HTR2B: variants seen among roughly 807,000 people sequenced by gnomAD.
HTR2B encodes the protein 5-HT 2B receptor.
A neutral mutation model predicts 39.8 loss-of-function variants in HTR2B; 31 were observed. The observed-to-expected ratio is 0.78, with a 90% confidence interval of 0.58 to 1.05. The LOEUF (loss-of-function observed/expected upper bound fraction) is 1.05. Among genes scored for constraint, HTR2B ranks in the 50% least tolerant of loss-of-function variants. HTR2B has a pLI of 0.00. For synonymous variants in HTR2B, 210 were observed against 207.1 expected, an observed-to-expected ratio of 1.01 and a Z score of -0.12; for missense variants, 562 against 578.0, an observed-to-expected ratio of 0.97 and a Z score of 0.28.
chr2:231,122,063 T>G (rs1479689928), intron 2 of HTR2B, among the ~76,000 whole-genome samples: 2 of 152,134 alleles, frequency 1.3e-5, no homozygotes, highest in Admixed American at 1.3e-4. Flanking sequence ...TATAGTAAGA[T>G]TTCTTAATTA....
chr2:231,110,356 T>C (rs1388419691), intron 3 of HTR2B, among the ~76,000 whole-genome samples: 4 of 152,192 alleles, frequency 2.6e-5, no homozygotes, highest in Non-Finnish European at 5.9e-5. Flanking sequence ...GAAAGAAATA[T>C]ACCTCATGTT....
chr2:231,115,662 A>G (rs1320281756), intron 2 of HTR2B, among the ~76,000 whole-genome samples: 8 of 152,186 alleles, frequency 5.3e-5, no homozygotes, highest in Non-Finnish European at 1.2e-4. Context: ...AGAGATTACC[A>G]TTGATCTTGC....
At chr2:231,116,582 G>A (rs1695341929) in intron 2 of HTR2B, among the ~76,000 whole-genome samples, 1 of 151,928 alleles carries the variant, frequency 6.6e-6, no homozygotes, top group Non-Finnish European at 1.5e-5. Flanking sequence ...CATATAAAAA[G>A]TACGTGTCTT....
chr2:231,123,111 A>G (rs1363801671), intron 2 of HTR2B, among the ~76,000 whole-genome samples: 1 of 152,208 alleles, frequency 6.6e-6, no homozygotes, highest in Non-Finnish European at 1.5e-5. Context: ...CCTATTTACT[A>G]TAATTTATAG....
At chr2:231,120,585 C>G (rs1183691462) in intron 2 of HTR2B, among the ~76,000 whole-genome samples, 3 of 152,134 alleles carry the variant, frequency 2.0e-5, no homozygotes, top group Non-Finnish European at 4.4e-5. Flanking sequence ...AATATGAATT[C>G]AAACCGTATA....
chr2:231,120,851 T>C (rs1291602739), intron 2 of HTR2B, among the ~76,000 whole-genome samples: 1 of 152,234 alleles, frequency 6.6e-6, no homozygotes, highest in East Asian at 1.9e-4. Flanking sequence ...AGATTAACAC[T>C]ACAATAAGAG....
intron 3 of HTR2B, among the ~76,000 whole-genome samples, chr2:231,109,919 C>T (rs1695097624): frequency 6.6e-6 from 1 of 152,124 alleles, no homozygotes; most frequent in African/African-American, 2.4e-5. Flanking sequence ...TAATCCTTTC[C>T]ATCTAACTTC....
Position 231,123,837 on chromosome 2 carries a change from T to G in HTR2B, c.-73A>C. Reference sequence around the variant, plus strand: ...GGTTAGTAGCTAAGCTGCTCATCTGTTTTTTTAAGGCATTGTAACCATGCC... The same window carrying G: ...GGTTAGTAGCTAAGCTGCTCATCTGGTTTTTTAAGGCATTGTAACCATGCC... On this transcript the variant is annotated 5_prime_UTR_variant, in exon 2 of 4. Transcript: ENST00000258400. 4 of 1,172,092 alleles carry G rather than the reference T, an allele frequency of 3.4e-6. No individual in the cohort carries two copies. In the South Asian group the frequency reaches 4.9e-5, roughly 14 times the overall value. 72.6% of individuals were successfully genotyped at this position (1,172,092 alleles called of 1,614,324 possible).
intron 2 of HTR2B, among the ~76,000 whole-genome samples, chr2:231,120,586 A>C (rs949203745): frequency 8.5e-5 from 13 of 152,228 alleles, no homozygotes; most frequent in African/African-American, 3.1e-4. Flanking sequence ...ATATGAATTC[A>C]AACCGTATAT....
intron 2 of HTR2B, among the ~76,000 whole-genome samples, chr2:231,119,989 G>A (rs1220264544): frequency 2.3e-5 from 3 of 132,484 alleles, no homozygotes; most frequent in Non-Finnish European, 3.1e-5. Flanking sequence ...GCCTCACCCC[G>A]TCACCCAGGC....
chr2:231,113,627 CCT>C, intron 3 of HTR2B, 100 bp downstream of exon 3: 2 of 993,280 alleles, frequency 2.0e-6, no homozygotes, highest in Non-Finnish European at 3.2e-6. Context: ...GCTGGCTTGA[CCT>C]CTCATGCTGA....
intron 3 of HTR2B, among the ~76,000 whole-genome samples, chr2:231,112,109 C>CT (rs1022450596): frequency 1.3e-5 from 2 of 152,128 alleles, no homozygotes; most frequent in African/African-American, 2.4e-5. Flanking sequence ...ATTTCTTCAA[C>CT]TTTTTTTCCC....
intron 3 of HTR2B, among the ~76,000 whole-genome samples, chr2:231,110,729 G>C (rs1027850878): frequency 6.6e-6 from 1 of 152,238 alleles, no homozygotes; most frequent in Admixed American, 6.5e-5. Context: ...TTATACTACA[G>C]TTTGAGGACC....
At chr2:231,110,732 T>G (rs1695130246) in intron 3 of HTR2B, among the ~76,000 whole-genome samples, 1 of 152,268 alleles carries the variant, frequency 6.6e-6, no homozygotes, top group Admixed American at 6.5e-5. Context: ...TACTACAGTT[T>G]GAGGACCATT....
intron 2 of HTR2B, among the ~76,000 whole-genome samples, chr2:231,122,277 A>G (rs767064769): frequency 2.6e-5 from 4 of 152,120 alleles, no homozygotes; most frequent in African/African-American, 9.6e-5. Context: ...TAAACCTGTT[A>G]CTATCTGATA....
chr2:231,124,741 A>G (rs2125235534), intron 1 of HTR2B, among the ~76,000 whole-genome samples: 1 of 152,144 alleles, frequency 6.6e-6, no homozygotes, highest in Non-Finnish European at 1.5e-5. Flanking sequence ...TATTTTTTTA[A>G]CCTTCCCAGT....
chr2:231,124,849 G>A (rs1403173417), intron 1 of HTR2B, 123 bp downstream of exon 1: 4 of 151,650 alleles, frequency 2.6e-5, no homozygotes, highest in Admixed American at 1.3e-4. Context: ...TTTAGCATTA[G>A]TAAATTTTTC....
intron 2 of HTR2B, among the ~76,000 whole-genome samples, chr2:231,116,844 CTT>C (rs1048450387): frequency 2.0e-5 from 3 of 152,000 alleles, no homozygotes; most frequent in African/African-American, 7.2e-5. Context: ...AGAGATGAAT[CTT>C]TACAATTCCA....
At position 231,123,937 on chromosome 2, in the gene HTR2B, A is replaced by T. The variant is rs866893063; in HGVS notation, c.-173T>A. ...AGTTCTCTAAAATGAGCGCATACAC[A>T]CATCTGTCCATGTTTGTAGGTAAGA... On this transcript the variant is annotated 5_prime_UTR_variant, in exon 2 of 4. It introduces an in-frame stop codon into an upstream open reading frame of the 5' UTR. Coordinates refer to ENST00000258400, the MANE Select transcript of HTR2B (RefSeq NM_000867.5). 24 of 644,928 alleles carry T rather than the reference A, an allele frequency of 3.7e-5. No individual in the cohort carries two copies. Among genetic ancestry groups the T allele is most frequent in the African/African-American group, 2.2e-4 (12 of 54,876 alleles). 40.0% of individuals were successfully genotyped at this position (644,928 alleles called of 1,614,324 possible). A position where few individuals can be genotyped will look rare whatever the true frequency, so the allele number is the denominator to read the frequency against.
Sources: gnomAD v4.1 joint callset for allele counts (sites outside exome capture counted in the v4.1 genomes callset) on GRCh38, gnomAD v4.1.1 for gene constraint, MANE v1.5 for transcripts, NCBI Gene and HGNC (gene_info 2026-07-23, HGNC 2026-07-21) for gene names.